DLGAP1: variants seen among roughly 807,000 people sequenced by gnomAD.
The protein encoded by DLGAP1 is disks large-associated protein 1.
Under a neutral mutation model 90.8 loss-of-function variants are expected in DLGAP1, and 11 were observed. That is an observed-to-expected ratio of 0.12 (90% CI 0.08 to 0.20). DLGAP1 has a LOEUF of 0.20. DLGAP1 is among the 10% of genes least tolerant of loss of function. The pLI is 1.00. For synonymous variants in DLGAP1, 558 were observed against 540.7 expected (o/e 1.03, Z -0.44); for missense variants, 1,050 against 1,333.8 (o/e 0.79, Z 3.31).
intron 10 of DLGAP1, among the ~76,000 whole-genome samples, chr18:3,513,023 C>T (rs1395609585): frequency 6.6e-6 from 1 of 152,160 alleles, no homozygotes; most frequent in Non-Finnish European, 1.5e-5. Flanking sequence ...ATTCCCCTTT[C>T]CCTTTCCCTC....
At chr18:4,223,879 T>C (rs618266) in intron 1 of DLGAP1, among the ~76,000 whole-genome samples, 7 of 152,326 alleles carry the variant, frequency 4.6e-5, no homozygotes, top group African/African-American at 1.7e-4. Context: ...AATGTCTACA[T>C]TAAAGAGCTA....
intron 2 of DLGAP1, among the ~76,000 whole-genome samples, chr18:4,110,362 A>T (rs148122716): frequency 1.3e-3 from 205 of 152,330 alleles, no homozygotes; most frequent in African/African-American, 4.8e-3. Context: ...TTGACTGAGC[A>T]TCATTATGTG....
intron 5 of DLGAP1, among the ~76,000 whole-genome samples, chr18:3,784,178 C>T (rs995539826): frequency 2.0e-5 from 3 of 152,040 alleles, no homozygotes; most frequent in Admixed American, 6.6e-5. Flanking sequence ...AGTGGGAGGC[C>T]GATGAAGGGA....
At chr18:4,090,005 G>A (rs9945619) in intron 2 of DLGAP1, among the ~76,000 whole-genome samples, 126,525 of 152,086 alleles carry the variant, frequency 0.83, 52,938 homozygotes, top group Non-Finnish European at 0.87. Context: ...AGATCGCGCC[G>A]CTGCACTCCA....
At chr18:4,381,362 T>C (rs775208022) in intron 1 of DLGAP1, among the ~76,000 whole-genome samples, 15 of 152,138 alleles carry the variant, frequency 9.9e-5, no homozygotes, top group Non-Finnish European at 7.4e-5. Flanking sequence ...TGATGCCCAA[T>C]TGATAAAAGC....
chr18:4,048,845 G>A (rs890940834), intron 2 of DLGAP1, among the ~76,000 whole-genome samples: 3 of 152,200 alleles, frequency 2.0e-5, no homozygotes, highest in African/African-American at 7.2e-5. Context: ...ATTATCAACT[G>A]AGGACTACTT....
intron 1 of DLGAP1, among the ~76,000 whole-genome samples, chr18:4,398,290 T>G (rs2082479574): frequency 6.6e-6 from 1 of 151,288 alleles, no homozygotes. Context: ...TTGTCCCCAT[T>G]GCTTTTCTGC....
chr18:4,375,581 G>C (rs376083067), intron 1 of DLGAP1, among the ~76,000 whole-genome samples: 1 of 152,014 alleles, frequency 6.6e-6, no homozygotes, highest in South Asian at 2.1e-4. Flanking sequence ...GATTTTCTAA[G>C]CTTTATTTGA....
At chr18:4,069,956 AG>A (rs2075423187) in intron 2 of DLGAP1, among the ~76,000 whole-genome samples, 1 of 151,924 alleles carries the variant, frequency 6.6e-6, no homozygotes, top group Non-Finnish European at 1.5e-5. Context: ...CAACAGACAA[AG>A]GCTTAATCCA....
rs544788660 is a variant in DLGAP1 at position 4,403,576 on chromosome 18, T to C, written c.-267+51430A>G. On this transcript the variant is annotated intron_variant, in intron 1 of 12. Transcript: ENST00000315677. ...CTGATGACAAAGTTTCCCTCCCCCA[T>C]TGATTATATTCCTGCCAAATTATAA... Among the ~76,000 whole-genome samples, 59 of 152,280 alleles carry C rather than the reference T, an allele frequency of 3.9e-4. No homozygotes were observed. In the South Asian group the frequency reaches 0.012, roughly 30 times the overall value.
chr18:3,941,548 A>G (rs1221826700), intron 3 of DLGAP1, among the ~76,000 whole-genome samples: 1 of 152,248 alleles, frequency 6.6e-6, no homozygotes, highest in Non-Finnish European at 1.5e-5. Flanking sequence ...GACAAAGAGG[A>G]AAATTATAAA....
intron 7 of DLGAP1, among the ~76,000 whole-genome samples, chr18:3,598,865 T>C (rs941230424): frequency 7.2e-5 from 11 of 152,274 alleles, no homozygotes; most frequent in Non-Finnish European, 1.3e-4. Context: ...TGGCATGATC[T>C]TGGCTCACTG....
At chr18:4,443,679 T>C (rs568385526) in intron 1 of DLGAP1, among the ~76,000 whole-genome samples, 3 of 152,338 alleles carry the variant, frequency 2.0e-5, no homozygotes, top group East Asian at 3.9e-4. Context: ...TAAATTGGTA[T>C]TGCCGATATT....
At chr18:4,152,191 T>C (rs1174579484) in intron 1 of DLGAP1, among the ~76,000 whole-genome samples, 1 of 152,188 alleles carries the variant, frequency 6.6e-6, no homozygotes, top group Admixed American at 6.5e-5. Context: ...TAAAGGTCTG[T>C]TTCTATTTTT....
intron 7 of DLGAP1, among the ~76,000 whole-genome samples, chr18:3,678,809 A>G (rs1190992237): frequency 6.6e-6 from 1 of 152,224 alleles, no homozygotes; most frequent in African/African-American, 2.4e-5. Context: ...CTCCAGTAAA[A>G]GAAGGTGTGA....
At chr18:3,782,089 G>A (rs142226244) in intron 5 of DLGAP1, among the ~76,000 whole-genome samples, 20 of 151,530 alleles carry the variant, frequency 1.3e-4, no homozygotes, top group African/African-American at 4.8e-4. Context: ...ATCTTGGTGT[G>A]GAGACACAAA....
chr18:4,126,427 T>C (rs771662114), intron 2 of DLGAP1, among the ~76,000 whole-genome samples: 1 of 152,228 alleles, frequency 6.6e-6, no homozygotes, highest in Non-Finnish European at 1.5e-5. Context: ...TTCAATATCA[T>C]GCACAAATGC....
At chr18:3,802,734 T>C (rs1360686689) in intron 5 of DLGAP1, among the ~76,000 whole-genome samples, 1 of 152,234 alleles carries the variant, frequency 6.6e-6, no homozygotes, top group Non-Finnish European at 1.5e-5. Context: ...ATATGTGCAG[T>C]GGAGACAGAG....
At chr18:3,749,781 T>C (rs2063425592) in intron 5 of DLGAP1, among the ~76,000 whole-genome samples, 1 of 152,100 alleles carries the variant, frequency 6.6e-6, no homozygotes, top group Non-Finnish European at 1.5e-5. Context: ...ACCTTTCTCC[T>C]CAAATTTTCT....
Sources: allele counts gnomAD v4.1 joint callset (sites outside exome capture counted in the v4.1 genomes callset), GRCh38; gene constraint gnomAD v4.1.1; transcripts MANE v1.5; gene names NCBI Gene and HGNC (gene_info 2026-07-23, HGNC 2026-07-21).